SPATA17: variants seen among roughly 807,000 people sequenced by gnomAD.
SPATA17 encodes spermatogenesis associated 17.
In SPATA17, 53 loss-of-function variants were observed where a neutral mutation model predicts 62.2. The ratio of observed to expected loss-of-function variants is 0.85; its 90% confidence interval spans 0.68 to 1.07. The LOEUF is 1.07. Ranked by LOEUF, SPATA17 falls within the 50% of genes least tolerant of loss-of-function variation. The pLI is 0.00. For missense variants in SPATA17, 466 were observed against 425.5 expected (o/e 1.10, Z -0.84); for synonymous variants, 146 against 146.8 (o/e 0.99, Z 0.04).
chr1:217,683,945 G>T (rs934929540), intron 5 of SPATA17, among the ~76,000 whole-genome samples: 17 of 152,034 alleles, frequency 1.1e-4, no homozygotes, highest in African/African-American at 4.1e-4. Context: ...CAGGAAAATT[G>T]TTTCATGATG....
chr1:217,866,223 T>TA (rs927333994), intron 10 of SPATA17, among the ~76,000 whole-genome samples: 19 of 152,200 alleles, frequency 1.2e-4, no homozygotes, highest in African/African-American at 4.6e-4. Context: ...TGTGAACTTA[T>TA]AACCCTTTCA....
At chr1:217,657,770 A>G (rs1406969555) in intron 3 of SPATA17, among the ~76,000 whole-genome samples, 1 of 152,180 alleles carries the variant, frequency 6.6e-6, no homozygotes, top group Non-Finnish European at 1.5e-5. Flanking sequence ...AAGAGATATG[A>G]TATAGTTTGA....
At chr1:217,750,810 T>G (rs1672886409) in intron 6 of SPATA17, among the ~76,000 whole-genome samples, 1 of 152,224 alleles carries the variant, frequency 6.6e-6, no homozygotes, top group Admixed American at 6.5e-5. Context: ...TAGGATGATC[T>G]TTCCAGCCTT....
intron 5 of SPATA17, among the ~76,000 whole-genome samples, chr1:217,728,695 T>C (rs1023021985): frequency 1.3e-5 from 2 of 152,144 alleles, no homozygotes; most frequent in African/African-American, 4.8e-5. Flanking sequence ...GGCTGTTTTG[T>C]AGGTTCATTC....
At chr1:217,836,338 C>T (rs190858607) in intron 9 of SPATA17, among the ~76,000 whole-genome samples, 102 of 152,178 alleles carry the variant, frequency 6.7e-4, no homozygotes, top group African/African-American at 2.1e-3. Context: ...AACAAAATAA[C>T]TTTTAATCAT....
At chr1:217,827,695 T>C (rs112009744) in intron 9 of SPATA17, among the ~76,000 whole-genome samples, 17,463 of 152,118 alleles carry the variant, frequency 0.11, 1,095 homozygotes, top group Non-Finnish European at 0.14. Context: ...TGGAATACCA[T>C]GCAGCCATAA....
In SPATA17 at chr1:217,848,639, C is replaced by T. The variant is rs1421962781; in HGVS notation, c.1006-14135C>T. Reference sequence around the variant, plus strand: ...AATCTTTCTGTCTGAAAATTTCATCCTACAAGTAATTGATAAATTGTTTTG... The same window carrying T: ...AATCTTTCTGTCTGAAAATTTCATCTTACAAGTAATTGATAAATTGTTTTG... On this transcript the variant is annotated intron_variant, in intron 9 of 10. Transcript: ENST00000366933. Among the ~76,000 whole-genome samples the T allele has an allele frequency of 2.0e-5, 3 of 152,088 alleles. No individual in the cohort carries two copies. The East Asian group carries it at 5.8e-4, about 29-fold the overall frequency.
chr1:217,662,020 T>C (rs1670583054), intron 3 of SPATA17, among the ~76,000 whole-genome samples: 1 of 152,150 alleles, frequency 6.6e-6, no homozygotes, highest in South Asian at 2.1e-4. Flanking sequence ...ACCACAAAAA[T>C]GTAGAAATAT....
At chr1:217,730,600 A>C (rs755969813) in intron 5 of SPATA17, among the ~76,000 whole-genome samples, 2 of 152,144 alleles carry the variant, frequency 1.3e-5, no homozygotes, top group Non-Finnish European at 2.9e-5. Context: ...AGTGATCTTT[A>C]GAGGAAAAAA....
chr1:217,841,313 C>A (rs532882052), intron 9 of SPATA17, among the ~76,000 whole-genome samples: 3 of 151,932 alleles, frequency 2.0e-5, no homozygotes, highest in Non-Finnish European at 4.4e-5. Context: ...GTAATAAATA[C>A]ACCTCTGAGA....
chr1:217,832,269 C>T (rs1675160047), intron 9 of SPATA17, among the ~76,000 whole-genome samples: 1 of 151,942 alleles, frequency 6.6e-6, no homozygotes, highest in Admixed American at 6.6e-5. Flanking sequence ...GCTAGTGTTC[C>T]CTAAAATTCA....
At chr1:217,637,468 C>G (rs1474958961) in intron 1 of SPATA17, among the ~76,000 whole-genome samples, 2 of 152,130 alleles carry the variant, frequency 1.3e-5, no homozygotes, top group African/African-American at 4.8e-5. Flanking sequence ...GTACATTACT[C>G]TATGGTTCAA....
At chr1:217,712,300 AT>A (rs370713564) in intron 5 of SPATA17, among the ~76,000 whole-genome samples, 1 of 151,452 alleles carries the variant, frequency 6.6e-6, no homozygotes, top group African/African-American at 2.4e-5. Flanking sequence ...CTAATTTTGT[AT>A]TTTTAGTGGA....
At chr1:217,686,575 T>C (rs1256173680) in intron 5 of SPATA17, among the ~76,000 whole-genome samples, 1 of 152,202 alleles carries the variant, frequency 6.6e-6, no homozygotes, top group East Asian at 1.9e-4. Flanking sequence ...AATGTTTTGC[T>C]TTCATCTTTA....
At chr1:217,677,349 GAT>G (rs145202932) in intron 4 of SPATA17, among the ~76,000 whole-genome samples, 1,683 of 151,978 alleles carry the variant, frequency 0.011, 21 homozygotes, top group Non-Finnish European at 0.018. Flanking sequence ...ATATGTGTCA[GAT>G]ATATAAAGAT....
Position 217,648,944 on chromosome 1 carries a change from G to A in SPATA17, c.131G>A (p.Arg44Gln), listed in dbSNP as rs1232339600. ...DAAVKIQSWF[R>Q]GCQVRAYIRH... is the part of the protein sequence containing the mutation. ...GCAGTTAAAATCCAAAGCTGGTTTC[G>A]AGGATGTCAAGTTCGGGCATATATC... is the stretch of plus-strand genomic sequence containing the variant. Residue 44 changes from arginine (R) to glutamine (Q), a missense_variant, in exon 2 of 11, where the codon CGA (arginine) becomes CAA (glutamine). By Grantham distance (43) the Arg-to-Gln change is conservative. Transcript: ENST00000366933. The A allele has an allele frequency of 4.3e-6, 7 of 1,610,242 alleles. No homozygotes were observed. The highest frequency in any genetic ancestry group is 2.7e-5 in the African/African-American group (2 of 74,824).
rs1676088777 is a variant in SPATA17, at chr1:217,869,575, C to T, written c.*2556C>T. 1 of 152,092 alleles carries T rather than the reference C, an allele frequency of 6.6e-6. No individual in the cohort carries two copies. The highest frequency in any genetic ancestry group is 6.6e-5 in the Admixed American group (1 of 15,260). The allele number at this position is 152,092 out of a possible 1,614,324, so 9.4% of individuals were successfully genotyped here. On this transcript the variant is annotated 3_prime_UTR_variant, in exon 11 of 11. Transcript: ENST00000366933. ...AAATATATATTTTAGGGTAAAATGC[C>T]TCAATTTATTTCAAGGCCTGATATT...
Position 217,713,313 on chromosome 1 carries a change from A to G in SPATA17, c.396-28662A>G, listed in dbSNP as rs546577706. ...CTTTTATGTTGGAGTCTTGCCTCACACAACTGGTGATCTTGAGCTGTTTGT... is the reference window on the plus strand; with the variant it reads ...CTTTTATGTTGGAGTCTTGCCTCACGCAACTGGTGATCTTGAGCTGTTTGT... On this transcript the variant is annotated intron_variant, in intron 5 of 10. Transcript: ENST00000366933. Among the ~76,000 whole-genome samples the G allele has an allele frequency of 3.9e-5, 6 of 152,102 alleles. No homozygotes were observed. In the South Asian group the frequency reaches 1.2e-3, roughly 32 times the overall value.
intron 9 of SPATA17, among the ~76,000 whole-genome samples, chr1:217,862,131 A>G (rs1298411474): frequency 1.3e-5 from 2 of 151,978 alleles, no homozygotes; most frequent in Non-Finnish European, 2.9e-5. Flanking sequence ...CCAAGAAGAA[A>G]CATACACCTT....
Sources: allele counts gnomAD v4.1 joint callset (sites outside exome capture counted in the v4.1 genomes callset), GRCh38; gene constraint gnomAD v4.1.1; transcripts MANE v1.5; gene names NCBI Gene and HGNC (gene_info 2026-07-23, HGNC 2026-07-21).